Variants in MYOM2 observed in about 807,000 individuals in gnomAD.
MYOM2 encodes the protein myomesin 2, also known as myomesin-2.
MYOM2 carries 254 observed loss-of-function variants against 187.6 expected under a neutral mutation model. The ratio of observed to expected loss-of-function variants is 1.35; its 90% confidence interval spans 1.22 to 1.50. The LOEUF is 1.50. MYOM2 is among the 40% of genes most tolerant of loss of function. The pLI, the probability that MYOM2 is intolerant of heterozygous loss-of-function variation, is 0.00. For missense variants in MYOM2, 2,796 were observed against 1,924.0 expected, an observed-to-expected ratio of 1.45 and a Z score of -8.48; for synonymous variants, 981 against 753.8, an observed-to-expected ratio of 1.30 and a Z score of -4.94.
chr8:2,080,970 C>T (rs1436440521), intron 13 of MYOM2, among the ~76,000 whole-genome samples: 13 of 128,284 alleles, frequency 1.0e-4, no homozygotes, highest in Admixed American at 5.8e-4. Context: ...TTGGTTCTGG[C>T]CTGCGGGAGG....
intron 1 of MYOM2, among the ~76,000 whole-genome samples, chr8:2,045,413 C>T (rs778405038): frequency 2.0e-5 from 3 of 152,170 alleles, no homozygotes; most frequent in African/African-American, 4.8e-5. Flanking sequence ...TGCTAAGTGC[C>T]GTTTAGCACC....
intron 14 of MYOM2, among the ~76,000 whole-genome samples, chr8:2,087,737 A>G (rs1334635080): frequency 6.6e-6 from 1 of 152,168 alleles, no homozygotes; most frequent in Non-Finnish European, 1.5e-5. Flanking sequence ...CAGGCCCCTA[A>G]CACCCAGAGT....
At chr8:2,129,279 T>C in intron 32 of MYOM2, 47 bp downstream of exon 32, 1 of 1,352,518 alleles carries the variant, frequency 7.4e-7, no homozygotes, top group Non-Finnish European at 1.1e-6. Context: ...GATGGGGCTG[T>C]CCAGGGCGCA....
intron 11 of MYOM2, 182 bp downstream of exon 11, chr8:2,076,464 C>T (rs1819426056): frequency 2.6e-6 from 2 of 768,820 alleles, no homozygotes; most frequent in South Asian, 2.1e-5. Flanking sequence ...GCCAAGTAGG[C>T]TGAGCCCAGC....
At position 2,140,861 on chromosome 8, in the gene MYOM2, A is replaced by G. The variant is rs947099373; in HGVS notation, c.3939A>G (p.Gln1313=). 2.5e-6 allele frequency: 4 copies of G among 1,614,138 alleles called. No homozygotes were observed. The highest frequency in any genetic ancestry group is 2.2e-5 in the South Asian group (2 of 91,076). The change falls in exon 33 of 37, where the codon CAA becomes CAG. Residue 1313 remains glutamine, a synonymous_variant. Coordinates refer to ENST00000262113, the MANE Select transcript of MYOM2 (RefSeq NM_003970.4). ...TTTTCGATGGCAAAGACAACCATCA[A>G]CGCTCCCTTGACCTGTCCGGACAAG... The part of the protein sequence containing the change: ...FEIFDGKDNH[Q]RSLDLSGQAF...
At chr8:2,046,544 C>T (rs958948349) in intron 1 of MYOM2, among the ~76,000 whole-genome samples, 1 of 152,142 alleles carries the variant, frequency 6.6e-6, no homozygotes, top group African/African-American at 2.4e-5. Context: ...GGATTATCTA[C>T]ACACAGGCTG....
chr8:2,143,528 C>T (rs1190616087), intron 36 of MYOM2, 72 bp downstream of exon 36: 12 of 1,579,348 alleles, frequency 7.6e-6, no homozygotes, highest in South Asian at 3.3e-5. Flanking sequence ...TCTCTTGGGG[C>T]GGAGCAGAGG....
intron 31 of MYOM2, among the ~76,000 whole-genome samples, chr8:2,126,570 A>G (rs973383770): frequency 6.6e-6 from 1 of 152,112 alleles, no homozygotes; most frequent in African/African-American, 2.4e-5. Context: ...GTGTAGACTC[A>G]CACACTGATG....
rs150129493 is a variant in MYOM2 at position 2,057,634 on chromosome 8, G to A, written c.414G>A (p.Lys138=). ...GCTTCTCGGGGCAGATGGAGGACAA[G>A]CTGGCCTGGGAGAGACACACATTTG... ...KYAIQQMMED[K]LAWERHTFEE... is the part of the protein sequence containing the mutation. The change falls in exon 5 of 37, where the codon AAG becomes AAA. Residue 138 remains lysine, a synonymous_variant. Coordinates refer to ENST00000262113, the MANE Select transcript of MYOM2 (RefSeq NM_003970.4). 194 of 1,614,086 alleles carry A rather than the reference G, an allele frequency of 1.2e-4. No homozygotes were observed. In the African/African-American group the frequency reaches 2.4e-3, roughly 20 times the overall value.
chr8:2,130,979 A>T (rs1223193469), intron 32 of MYOM2, among the ~76,000 whole-genome samples: 1 of 152,126 alleles, frequency 6.6e-6, no homozygotes, highest in East Asian at 1.9e-4. Context: ...AGTTGTACAC[A>T]CTTGCAATGT....
chr8:2,050,676 C>G, intron 1 of MYOM2, 79 bp from the exon 2 acceptor site: 1 of 819,734 alleles, frequency 1.2e-6, no homozygotes, highest in Non-Finnish European at 2.0e-6. Flanking sequence ...TCATTTTCCC[C>G]TTTGGAATGA....
intron 9 of MYOM2, 137 bp from the exon 10 acceptor site, chr8:2,073,202 C>T: frequency 2.2e-6 from 2 of 925,466 alleles, no homozygotes; most frequent in Non-Finnish European, 3.2e-6. Flanking sequence ...GGGATTTTAC[C>T]AGGCTGAGGC....
intron 25 of MYOM2, among the ~76,000 whole-genome samples, chr8:2,112,396 C>CG (rs1176642115): frequency 2.4e-4 from 5 of 21,146 alleles, no homozygotes; most frequent in East Asian, 1.5e-3. Context: ...AATCATGGGT[C>CG]GGGGGGTGGG....
chr8:2,047,231 G>A (rs538048586), intron 1 of MYOM2, among the ~76,000 whole-genome samples: 39 of 152,298 alleles, frequency 2.6e-4, no homozygotes, highest in African/African-American at 6.7e-4. Flanking sequence ...CACCCAGCAC[G>A]TGCTGAGTCA....
At chr8:2,123,503 C>T (rs1797529487) in intron 29 of MYOM2, 52 bp from the exon 30 acceptor site, 4 of 1,537,472 alleles carry the variant, frequency 2.6e-6, no homozygotes, top group East Asian at 2.3e-5. Flanking sequence ...ATTACGTTTT[C>T]TAAGATTGCA....
Position 2,106,500 on chromosome 8 carries a change from G to C in MYOM2, c.2901G>C (p.Leu967=), listed in dbSNP as rs557796981. 3.0e-5 allele frequency: 49 copies of C among 1,612,342 alleles called. 1 individual carries two copies. In the South Asian group the frequency reaches 4.9e-4, roughly 16 times the overall value. ...KIETVGDHSK[L]YLKNPDKEDL... is the part of the protein sequence containing the mutation. ...TCTTCTTCCTTTTTAGCTCCAAGCT[G>C]TACTTAAAGAATCCGGATAAGGAGG... Residue 967 remains leucine (L), a synonymous_variant, in exon 23 of 37, where the codon CTG becomes CTC. Transcript: ENST00000262113.
chr8:2,139,106 C>T (rs1798186459), intron 32 of MYOM2, among the ~76,000 whole-genome samples: 1 of 151,102 alleles, frequency 6.6e-6, no homozygotes, highest in African/African-American at 2.4e-5. Flanking sequence ...CCAGCACCAC[C>T]ACCAGAGACC....
At chr8:2,109,048 G>A (rs773228955) in intron 24 of MYOM2, among the ~76,000 whole-genome samples, 3 of 152,124 alleles carry the variant, frequency 2.0e-5, no homozygotes, top group Non-Finnish European at 4.4e-5. Context: ...TAGAATTTTG[G>A]GTTTAGTATA....
At chr8:2,131,643 C>CTTT (rs5888888) in intron 32 of MYOM2, among the ~76,000 whole-genome samples, 3 of 113,950 alleles carry the variant, frequency 2.6e-5, no homozygotes, top group Non-Finnish European at 3.5e-5. Flanking sequence ...GCATTTCTTT[C>CTTT]TTTTTTTTTT....
Sources: gnomAD v4.1 joint callset for allele counts (sites outside exome capture counted in the v4.1 genomes callset) on GRCh38, gnomAD v4.1.1 for gene constraint, MANE v1.5 for transcripts, NCBI Gene and HGNC (gene_info 2026-07-23, HGNC 2026-07-21) for gene names.